ZNF302: variants seen among roughly 807,000 people sequenced by gnomAD.
ZNF302 encodes zinc finger protein 302.
A neutral mutation model predicts 10.8 loss-of-function variants in ZNF302; 12 were observed. The ratio of observed to expected loss-of-function variants is 1.11; its 90% CI spans 0.71 to 1.79. The LOEUF is 1.79. ZNF302 is among the 40% of genes most tolerant of loss of function. The pLI is 0.00. For missense variants in ZNF302, 461 were observed against 471.1 expected (o/e 0.98, Z 0.20); for synonymous variants, 178 against 157.5 (o/e 1.13, Z -0.98).
rs1393875757 is a variant in ZNF302 at position 34,678,924 on chromosome 19, T to A, written c.9+111T>A. The stretch of plus-strand genomic sequence containing the variant: ...AATCAAGTCCATTTAAGGGACTAGA[T>A]CTATGGTTCCTTTCACTATAGGAAG... On this transcript the variant is annotated intron_variant, in intron 2 of 4. Coordinates refer to ENST00000505242, the MANE Select transcript of ZNF302 (RefSeq NM_001289187.2). 2.3e-6 allele frequency: 3 copies of A among 1,297,630 alleles called. No individual in the cohort carries two copies. In the Admixed American group the frequency reaches 5.4e-5, roughly 23 times the overall value. The allele number at this position is 1,297,630 out of a possible 1,614,324, so 80.4% of individuals were successfully genotyped here.
Position 34,685,313 on chromosome 19 carries a change from G to A in ZNF302, c.*76G>A, listed in dbSNP as rs113860671. ...AAATCACATTAGATTGAAACCCTAC[G>A]AATGCAGTATATGTGGGAAAGCCTT... On this transcript the variant is annotated 3_prime_UTR_variant, in exon 5 of 5. Transcript: ENST00000505242. 30,021 of 1,613,762 alleles carry A rather than the reference G, an allele frequency of 0.019. 506 individuals carry two copies. Among genetic ancestry groups the A allele is most frequent in the South Asian group, 0.075 (6,783 of 91,044 alleles).
intron 4 of ZNF302, chr19:34,683,849 T>C (rs1249193942): frequency 3.1e-6 from 2 of 647,276 alleles, no homozygotes; most frequent in East Asian, 6.4e-5. Flanking sequence ...TAATGGAAGG[T>C]TGGAAAAAAA....
upstream of ZNF302, chr19:34,676,308 A>G (rs1435894076): frequency 1.3e-5 from 2 of 152,200 alleles, no homozygotes; most frequent in Non-Finnish European, 2.9e-5. Context: ...GTTATATGCT[A>G]ATTATATGCA....
chr19:34,684,139 C>T (rs1217831556), intron 4 of ZNF302, 113 bp from the exon 5 acceptor site: 1 of 1,251,138 alleles, frequency 8.0e-7, no homozygotes, highest in South Asian at 1.4e-5. Flanking sequence ...TCCAATTCTC[C>T]TAATTCCACT....
Position 34,685,399 on chromosome 19 carries a change from A to G in ZNF302, c.*162A>G. On this transcript the variant is annotated 3_prime_UTR_variant, in exon 5 of 5. Transcript: ENST00000505242. ...TTCATACTGGAGAGAAACCTTACGAATGTATTAAATGTGGGAAGACCTTCA... is the reference window on the plus strand; with the variant it reads ...TTCATACTGGAGAGAAACCTTACGAGTGTATTAAATGTGGGAAGACCTTCA... 9.3e-6 allele frequency: 15 copies of G among 1,608,870 alleles called. No homozygotes were observed. The highest frequency in any genetic ancestry group is 1.3e-5 in the Non-Finnish European group (15 of 1,175,394).
chr19:34,679,644 C>T (rs533602042), intron 2 of ZNF302, among the ~76,000 whole-genome samples: 1 of 152,210 alleles, frequency 6.6e-6, no homozygotes, highest in Non-Finnish European at 1.5e-5. Flanking sequence ...AGAACAGCTT[C>T]CCTGAAAGCC....
upstream of ZNF302, chr19:34,676,689 G>T (rs1475082087): frequency 6.6e-6 from 1 of 152,200 alleles, no homozygotes; most frequent in Non-Finnish European, 1.5e-5. Flanking sequence ...GGTAACAGAA[G>T]CACTGCTTCA....
chr19:34,680,978 T>C (rs1224343402), intron 2 of ZNF302, among the ~76,000 whole-genome samples: 2 of 152,244 alleles, frequency 1.3e-5, no homozygotes, highest in East Asian at 3.8e-4. Flanking sequence ...TATTCAGTAA[T>C]AAAACTGCTT....
chr19:34,684,050 T>C, intron 4 of ZNF302: 2 of 1,516,024 alleles, frequency 1.3e-6, no homozygotes, highest in Non-Finnish European at 1.8e-6. Context: ...GATTCTCTGC[T>C]CTATTTGAGC....
rs1253959724 is a variant in ZNF302 at position 34,684,441 on chromosome 19, C to G, written c.404C>G (p.Ser135Cys). Residue 135 changes from serine (S) to cysteine (C), a missense_variant, in exon 5 of 5, where the codon TCT becomes TGT. Physicochemically the swap from Ser to Cys is moderately radical, Grantham distance 112. Coordinates refer to ENST00000505242, the MANE Select transcript of ZNF302 (RefSeq NM_001289187.2). ...RSTFHSKSTL[S>C]EPQNNSAEGN... is the part of the protein sequence containing the mutation. ...ACCTTTCATTCAAAGTCTACTCTTT[C>G]TGAACCACAAAACAATTCTGCTGAA... is the stretch of plus-strand genomic sequence containing the variant. 10 of 1,613,158 alleles carry G rather than the reference C, an allele frequency of 6.2e-6. No individual in the cohort carries two copies. The South Asian group carries it at 9.9e-5, about 16-fold the overall frequency.
chr19:34,684,388 A>C lies in ZNF302; in HGVS notation c.351A>C (p.Glu117Asp). 1 of 1,606,804 alleles carries C rather than the reference A, an allele frequency of 6.2e-7. No individual in the cohort carries two copies. The highest frequency in any genetic ancestry group is 8.5e-7 in the Non-Finnish European group (1 of 1,177,830). The change falls in exon 5 of 5, where the codon GAA becomes GAC. Residue 117 changes from glutamate (E) to aspartate (D), a missense_variant. Coordinates refer to ENST00000505242, the MANE Select transcript of ZNF302 (RefSeq NM_001289187.2). The part of the protein sequence containing the change: ...YEFSNSNKNL[E>D]YTECDTFRST... ...TTTCAAATTCTAATAAGAATTTGGA[A>C]TATACAGAATGCGACACATTTAGAA...
chr19:34,685,784 G>A lies in ZNF302; in HGVS notation c.*547G>A. The A allele has an allele frequency of 2.1e-6, 1 of 474,498 alleles. No homozygotes were observed. Among genetic ancestry groups the A allele is most frequent in the East Asian group, 3.2e-5 (1 of 31,272 alleles). The allele number at this position is 474,498 out of a possible 1,614,324, so 29.4% of individuals were successfully genotyped here. On this transcript the variant is annotated 3_prime_UTR_variant, in exon 5 of 5. Transcript: ENST00000505242. ...TTTTTTTATTAGAGTTTATACTGTA[G>A]AGAAATCATATGAAGTCAATAAATG...
chr19:34,678,745 C>G lies in ZNF302; in HGVS notation c.-60C>G. 6 of 1,606,196 alleles carry G rather than the reference C, an allele frequency of 3.7e-6. No homozygotes were observed. Among genetic ancestry groups the G allele is most frequent in the Non-Finnish European group, 3.4e-6 (4 of 1,173,026 alleles). ...CCTTTCTGTGCCCTCAGGACACTGC[C>G]CATCTCTAAGATAAGAACCTGGAAA... On this transcript the variant is annotated 5_prime_UTR_variant, in exon 2 of 5. Coordinates refer to ENST00000505242, the MANE Select transcript of ZNF302 (RefSeq NM_001289187.2).
intron 4 of ZNF302, 122 bp downstream of exon 4, chr19:34,683,360 T>C (rs1420091031): frequency 3.5e-6 from 4 of 1,136,270 alleles, no homozygotes; most frequent in South Asian, 3.1e-5. Context: ...AAATGAAAAA[T>C]TGAGGGATAT....
At position 34,684,531 on chromosome 19, in the gene ZNF302, A is replaced by G. The variant is rs1171967155; in HGVS notation, c.494A>G (p.Glu165Gly). ...TCAAAAAAGTCAGTTATAAAAAGTG[A>G]GAGAATAAATGGTGGAAAGAAACTT... ...NLSKKSVIKSERINGGKKLLN... is the reference protein window; with the variant it reads ...NLSKKSVIKSGRINGGKKLLN... The change falls in exon 5 of 5, where the codon GAG becomes GGG. Residue 165 changes from glutamate (E) to glycine (G), a missense_variant. Coordinates refer to ENST00000505242, the MANE Select transcript of ZNF302 (RefSeq NM_001289187.2). 1.9e-6 allele frequency: 3 copies of G among 1,613,224 alleles called. No individual in the cohort carries two copies. The highest frequency in any genetic ancestry group is 1.7e-6 in the Non-Finnish European group (2 of 1,179,518).
In ZNF302 at chr19:34,685,651, G is replaced by T; in HGVS notation, c.*414G>T. On this transcript the variant is annotated 3_prime_UTR_variant, in exon 5 of 5. Coordinates refer to ENST00000505242, the MANE Select transcript of ZNF302 (RefSeq NM_001289187.2). ...ACAGAAGAGAAGCAGTGTTTATCAC[G>T]GTAAACTTCATTCATAGATCCTCCC... 1.2e-6 allele frequency: 1 copy of T among 838,402 alleles called. No homozygotes were observed. The highest frequency in any genetic ancestry group is 1.7e-5 in the South Asian group (1 of 59,030). 51.9% of individuals were successfully genotyped at this position (838,402 alleles called of 1,614,324 possible). A position where few individuals can be genotyped will look rare whatever the true frequency, so the allele number is the denominator to read the frequency against.
chr19:34,679,619 C>T (rs559864324), intron 2 of ZNF302, among the ~76,000 whole-genome samples: 4 of 152,168 alleles, frequency 2.6e-5, no homozygotes, highest in Non-Finnish European at 2.9e-5. Flanking sequence ...GTGTTTGTTC[C>T]GTGGTTACTT....
At chr19:34,681,420 T>G (rs545583083) in intron 2 of ZNF302, 147 of 152,372 alleles carry the variant, frequency 9.6e-4, no homozygotes, top group African/African-American at 3.4e-3. Flanking sequence ...CTTATTTTTT[T>G]CCCCTTCCAG....
chr19:34,679,271 C>G (rs1462382298), intron 2 of ZNF302, among the ~76,000 whole-genome samples: 4 of 152,190 alleles, frequency 2.6e-5, no homozygotes, highest in African/African-American at 9.7e-5. Flanking sequence ...ACCACTACCA[C>G]CCCAGTCCGA....
Sources: gnomAD v4.1 joint callset for allele counts (sites outside exome capture counted in the v4.1 genomes callset) on GRCh38, gnomAD v4.1.1 for gene constraint, MANE v1.5 for transcripts, NCBI Gene and HGNC (gene_info 2026-07-23, HGNC 2026-07-21) for gene names.